CLEC2L: variants seen among roughly 807,000 people sequenced by gnomAD.
CLEC2L encodes the protein C-type lectin domain family 2, member L.
CLEC2L carries 14 observed loss-of-function variants against 23.6 expected under a neutral mutation model. That is an observed-to-expected ratio of 0.59 (90% CI 0.39 to 0.93). The LOEUF (loss-of-function observed/expected upper bound fraction) is 0.93. Among genes scored for constraint, CLEC2L ranks in the 40% least tolerant of loss-of-function variants. CLEC2L has a pLI of 0.00. For missense variants in CLEC2L, 264 were observed against 282.4 expected, an observed-to-expected ratio of 0.93 and a Z score of 0.47; for synonymous variants, 114 against 121.3, an observed-to-expected ratio of 0.94 and a Z score of 0.40.
In CLEC2L at chr7:139,523,725, C is replaced by G. The variant is rs1797462685; in HGVS notation, c.-203C>G. 5.2e-6 allele frequency: 1 copy of G among 193,820 alleles called. No homozygotes were observed. The highest frequency in any genetic ancestry group is 9.3e-6 in the Non-Finnish European group (1 of 107,328). 12.0% of individuals were successfully genotyped at this position (193,820 alleles called of 1,614,324 possible). On this transcript the variant is annotated 5_prime_UTR_variant, in exon 1 of 5. Coordinates refer to ENST00000422142, the MANE Select transcript of CLEC2L (RefSeq NM_001080511.4). The surrounding 1 kb of genome is among the most constrained non-coding windows in gnomAD (Gnocchi z 4.1). ...GGAGGCTGCGGCTCGGCGGGGCAGG[C>G]GCTGAGCGCACCGCGGCGGCACCCG...
Position 139,523,879 on chromosome 7 carries a change from C to G in CLEC2L, c.-49C>G. On this transcript the variant is annotated 5_prime_UTR_variant, in exon 1 of 5. Coordinates refer to ENST00000422142, the MANE Select transcript of CLEC2L (RefSeq NM_001080511.4). This position sits in a 1 kb window ranked among gnomAD's most constrained non-coding sequence, Gnocchi z 4.1. Reference sequence around the variant, plus strand: ...GCGCCGAGTGCGCGTCGGGCTGGGCCCCGCACCCCGGTGCAGGAGCGCGGG... The same window carrying G: ...GCGCCGAGTGCGCGTCGGGCTGGGCGCCGCACCCCGGTGCAGGAGCGCGGG... 1.0e-6 allele frequency: 1 copy of G among 976,914 alleles called. No individual in the cohort carries two copies. The highest frequency in any genetic ancestry group is 1.2e-6 in the Non-Finnish European group (1 of 825,266). The allele number at this position is 976,914 out of a possible 1,614,324, so 60.5% of individuals were successfully genotyped here. A position where few individuals can be genotyped will look rare whatever the true frequency, so the allele number is the denominator to read the frequency against.
At chr7:139,536,711 A>G (rs1218997205) in intron 2 of CLEC2L, among the ~76,000 whole-genome samples, 1 of 152,062 alleles carries the variant, frequency 6.6e-6, no homozygotes, top group East Asian at 1.9e-4. Context: ...GCAGTGGCTC[A>G]CGCCTGTAAT....
chr7:139,532,624 T>C (rs930740359), intron 1 of CLEC2L, among the ~76,000 whole-genome samples: 3 of 152,074 alleles, frequency 2.0e-5, no homozygotes. Flanking sequence ...GATATTGAGG[T>C]GGGTAATTGA....
chr7:139,529,279 T>C (rs2116546171), intron 1 of CLEC2L, among the ~76,000 whole-genome samples: 2 of 152,272 alleles, frequency 1.3e-5, no homozygotes, highest in South Asian at 2.1e-4. Flanking sequence ...AAGAGACAGG[T>C]AGATATTATC....
At chr7:139,531,078 A>G (rs892510595) in intron 1 of CLEC2L, among the ~76,000 whole-genome samples, 1 of 152,210 alleles carries the variant, frequency 6.6e-6, no homozygotes, top group East Asian at 1.9e-4. Flanking sequence ...CCCACAGTTA[A>G]TAAGCCCCTA....
At chr7:139,525,154 C>T (rs945533072) in intron 1 of CLEC2L, among the ~76,000 whole-genome samples, 13 of 151,592 alleles carry the variant, frequency 8.6e-5, no homozygotes, top group African/African-American at 1.7e-4. Context: ...TGCCCAGGAG[C>T]TTGGACTTTG....
At chr7:139,537,066 TA>T (rs111228229) in intron 2 of CLEC2L, among the ~76,000 whole-genome samples, 533 of 143,000 alleles carry the variant, frequency 3.7e-3, no homozygotes, top group African/African-American at 8.0e-3. Flanking sequence ...GTGCTAAGGT[TA>T]AAAAAAAAAA....
rs143573909 is a variant in CLEC2L, at chr7:139,540,877, G to A, written c.432+390G>A. 1.3e-3 allele frequency among the ~76,000 whole-genome samples: 192 copies of A among 152,134 alleles called. No individual in the cohort carries two copies. The highest frequency in any genetic ancestry group is 4.3e-3 in the African/African-American group (180 of 41,520). Reference sequence around the variant, plus strand: ...GGGGCTAGTCTGGGCAACATAGTGAGACCCTAGCTCTACAAAAAGTAAAAA... The same window carrying A: ...GGGGCTAGTCTGGGCAACATAGTGAAACCCTAGCTCTACAAAAAGTAAAAA... On this transcript the variant is annotated intron_variant, in intron 3 of 4. Coordinates refer to ENST00000422142, the MANE Select transcript of CLEC2L (RefSeq NM_001080511.4). The surrounding 1 kb of genome is among the most constrained non-coding windows in gnomAD (Gnocchi z 5.8).
At position 139,540,281 on chromosome 7, in the gene CLEC2L, T is replaced by C; in HGVS notation, c.266-40T>C. The C allele has an allele frequency of 6.6e-6, 6 of 915,476 alleles. No homozygotes were observed. Among genetic ancestry groups the C allele is most frequent in the Non-Finnish European group, 8.9e-6 (6 of 673,074 alleles). 56.7% of individuals were successfully genotyped at this position (915,476 alleles called of 1,614,324 possible). On this transcript the variant is annotated intron_variant, in intron 2 of 4. Coordinates refer to ENST00000422142, the MANE Select transcript of CLEC2L (RefSeq NM_001080511.4). The surrounding 1 kb of genome is among the most constrained non-coding windows in gnomAD (Gnocchi z 5.8). ...ACAGAAAGCAGAGTGGGACTCGGGC[T>C]GGGGGGGCGGGCAGGGCCGAGCTGG...
At chr7:139,530,327 A>G (rs2116548040) in intron 1 of CLEC2L, among the ~76,000 whole-genome samples, 1 of 152,334 alleles carries the variant, frequency 6.6e-6, no homozygotes, top group South Asian at 2.1e-4. Flanking sequence ...CCCATCTGAG[A>G]AAGTCCAGAG....
intron 4 of CLEC2L, 110 bp from the exon 5 acceptor site, chr7:139,544,121 G>A: frequency 1.4e-6 from 1 of 719,464 alleles, no homozygotes; most frequent in Non-Finnish European, 2.4e-6. Context: ...CAGCTCCAGT[G>A]ATGAAGTGAG....
At chr7:139,543,770 A>T (rs1461775797) in intron 4 of CLEC2L, among the ~76,000 whole-genome samples, 1 of 152,092 alleles carries the variant, frequency 6.6e-6, no homozygotes, top group Non-Finnish European at 1.5e-5. Context: ...CACTGCAGGG[A>T]GCCAAGATGA....
At position 139,540,216 on chromosome 7, in the gene CLEC2L, G is replaced by A; in HGVS notation, c.266-105G>A. 1.7e-6 allele frequency: 2 copies of A among 1,145,208 alleles called. No homozygotes were observed. Among genetic ancestry groups the A allele is most frequent in the Non-Finnish European group, 2.5e-6 (2 of 803,770 alleles). 70.9% of individuals were successfully genotyped at this position (1,145,208 alleles called of 1,614,324 possible). A position where few individuals can be genotyped will look rare whatever the true frequency, so the allele number is the denominator to read the frequency against. On this transcript the variant is annotated intron_variant, in intron 2 of 4. Coordinates refer to ENST00000422142, the MANE Select transcript of CLEC2L (RefSeq NM_001080511.4). This position sits in a 1 kb window ranked among gnomAD's most constrained non-coding sequence, Gnocchi z 5.8. ...AGGAGAGGACAGCCACATCTGCAGT[G>A]TCCCTGCAGGACGCCAAAGCTGAGG...
rs1034502887 is a variant in CLEC2L, at chr7:139,544,675, C to G, written c.*333C>G. 8.5e-6 allele frequency: 2 copies of G among 235,408 alleles called. No homozygotes were observed. The highest frequency in any genetic ancestry group is 4.5e-5 in the African/African-American group (2 of 44,484). 14.6% of individuals were successfully genotyped at this position (235,408 alleles called of 1,614,324 possible). A position where few individuals can be genotyped will look rare whatever the true frequency, so the allele number is the denominator to read the frequency against. ...TCAGTGTCCATCCTGAGCCACCCCA[C>G]AGATCTCTCTCCGGCCCCCTAGAAG... On this transcript the variant is annotated 3_prime_UTR_variant, in exon 5 of 5. Coordinates refer to ENST00000422142, the MANE Select transcript of CLEC2L (RefSeq NM_001080511.4).
Position 139,539,473 on chromosome 7 carries a change from A to G in CLEC2L, c.266-848A>G, listed in dbSNP as rs1797704230. The stretch of plus-strand genomic sequence containing the variant: ...GCTTCCTTCCCAGAAAAGTCCATGT[A>G]TGCACATACCCGCCGATCTGTTCGT... On this transcript the variant is annotated intron_variant, in intron 2 of 4. Transcript: ENST00000422142. The surrounding 1 kb of genome is among the most constrained non-coding windows in gnomAD (Gnocchi z 4.1). 1 of 152,090 alleles carries G rather than the reference A, an allele frequency of 6.6e-6. No individual in the cohort carries two copies. Among genetic ancestry groups the G allele is most frequent in the Middle Eastern group, 3.1e-3 (1 of 318 alleles). 9.4% of individuals were successfully genotyped at this position (152,090 alleles called of 1,614,324 possible).
In CLEC2L at chr7:139,544,615, G is replaced by A. The variant is rs551323608; in HGVS notation, c.*273G>A. The A allele has an allele frequency of 1.0e-4, 48 of 479,604 alleles. No homozygotes were observed. The South Asian group carries it at 1.1e-3, about 11-fold the overall frequency. 29.7% of individuals were successfully genotyped at this position (479,604 alleles called of 1,614,324 possible). On this transcript the variant is annotated 3_prime_UTR_variant, in exon 5 of 5. Coordinates refer to ENST00000422142, the MANE Select transcript of CLEC2L (RefSeq NM_001080511.4). ...CACCTACACACACACACATGCATAG[G>A]TACACGCACGCACAGACGCTGTCCC...
At chr7:139,538,938 G>C (rs1032343431) in intron 2 of CLEC2L, among the ~76,000 whole-genome samples, 2 of 152,190 alleles carry the variant, frequency 1.3e-5, no homozygotes, top group African/African-American at 4.8e-5. Flanking sequence ...CAGTCTCTTA[G>C]GAGATCCTTA....
At chr7:139,541,487 C>A (rs762357813) in intron 3 of CLEC2L, among the ~76,000 whole-genome samples, 1 of 152,150 alleles carries the variant, frequency 6.6e-6, no homozygotes, top group Non-Finnish European at 1.5e-5. Flanking sequence ...AGTCTATTGG[C>A]CATTTTGGAT....
At chr7:139,527,639 G>A (rs923793161) in intron 1 of CLEC2L, among the ~76,000 whole-genome samples, 1 of 152,158 alleles carries the variant, frequency 6.6e-6, no homozygotes, top group African/African-American at 2.4e-5. Flanking sequence ...GAAGTGATTC[G>A]AGATGGGCAT....
Sources: gnomAD v4.1 joint callset for allele counts (sites outside exome capture counted in the v4.1 genomes callset) on GRCh38, gnomAD v4.1.1 for gene constraint, Gnocchi (gnomAD v3.1) non-coding constraint, MANE v1.5 for transcripts, NCBI Gene and HGNC (gene_info 2026-07-23, HGNC 2026-07-21) for gene names.